The following ZNF704 variants were observed in gnomAD, a reference collection of about 807,000 sequenced individuals.
ZNF704 encodes zinc finger protein 704.
A neutral mutation model predicts 44.7 loss-of-function variants in ZNF704; 10 were observed. That is an observed-to-expected ratio of 0.22 (90% CI 0.14 to 0.38). The LOEUF is 0.38. Ranked by LOEUF, ZNF704 falls within the 10% of genes least tolerant of loss-of-function variation. ZNF704 has a pLI of 1.00. For missense variants in ZNF704, 390 were observed against 545.5 expected (o/e 0.71, Z 2.84); for synonymous variants, 211 against 207.6 (o/e 1.02, Z -0.14).
At chr8:80,668,671 T>A (rs981168284) in intron 5 of ZNF704, among the ~76,000 whole-genome samples, 21 of 152,192 alleles carry the variant, frequency 1.4e-4, no homozygotes, top group African/African-American at 5.1e-4. Context: ...GGAGTGAGAT[T>A]GAAAAGTGTG....
chr8:80,827,508 A>G (rs7815028), intron 1 of ZNF704, among the ~76,000 whole-genome samples: 5,340 of 152,322 alleles, frequency 0.035, 327 homozygotes, highest in African/African-American at 0.12. Context: ...AAGGTAATTT[A>G]TAGATTCAAT....
At chr8:80,820,827 G>A (rs1011196718) in intron 2 of ZNF704, among the ~76,000 whole-genome samples, 8 of 152,074 alleles carry the variant, frequency 5.3e-5, no homozygotes, top group Non-Finnish European at 1.0e-4. Flanking sequence ...GACTGCTTGT[G>A]CCCAGAAGTT....
intron 4 of ZNF704, among the ~76,000 whole-genome samples, chr8:80,682,183 C>T (rs948186561): frequency 1.1e-4 from 17 of 152,182 alleles, no homozygotes; most frequent in African/African-American, 1.9e-4. Context: ...GAGGGTTTTA[C>T]GGGTTTGTTT....
At chr8:80,835,194 T>C (rs1808538731) in intron 1 of ZNF704, among the ~76,000 whole-genome samples, 1 of 152,174 alleles carries the variant, frequency 6.6e-6, no homozygotes, top group African/African-American at 2.4e-5. Context: ...TTAAATCCTT[T>C]CTGAAAAGGC....
chr8:80,870,211 T>C (rs1384391546), intron 1 of ZNF704, among the ~76,000 whole-genome samples: 1 of 152,204 alleles, frequency 6.6e-6, no homozygotes, highest in Non-Finnish European at 1.5e-5. Flanking sequence ...TTTGTTACAC[T>C]ACACTACAAT....
intron 2 of ZNF704, among the ~76,000 whole-genome samples, chr8:80,767,437 T>G (rs1374049894): frequency 6.6e-6 from 1 of 152,032 alleles, no homozygotes; most frequent in African/African-American, 2.4e-5. Flanking sequence ...ACTTCTAGAC[T>G]GCATAATAGT....
At chr8:80,875,765 A>T (rs1809348143), upstream of ZNF704, among the ~76,000 whole-genome samples, 2 of 152,224 alleles carry the variant, frequency 1.3e-5, no homozygotes, top group South Asian at 4.1e-4. Flanking sequence ...ATTTAACATC[A>T]TATGCTCTGT....
Position 80,755,548 on chromosome 8 carries a change from G to A in ZNF704, c.222-62441C>T, listed in dbSNP as rs116786489. On this transcript the variant is annotated intron_variant, in intron 2 of 8. Transcript: ENST00000327835. ...GACTACTGAGAAACAGTGATTCCCA[G>A]TGTCTCTAAATCTCTGGTTCTCAAT... 2.4e-3 allele frequency among the ~76,000 whole-genome samples: 365 copies of A among 152,326 alleles called. 1 individual carries two copies. The highest frequency in any genetic ancestry group is 8.4e-3 in the African/African-American group (350 of 41,574).
chr8:80,635,943 T>C lies in ZNF704; in HGVS notation c.*5423A>G, dbSNP rs1480083448. The C allele has an allele frequency of 6.6e-6, 1 of 152,196 alleles. No homozygotes were observed. The highest frequency in any genetic ancestry group is 2.4e-5 in the African/African-American group (1 of 41,446). 9.4% of individuals were successfully genotyped at this position (152,196 alleles called of 1,614,324 possible). A position where few individuals can be genotyped will look rare whatever the true frequency, so the allele number is the denominator to read the frequency against. ...TTGTTTGGTGAGCAAGAATTACTTA[T>C]AATATTAATACTTCCTGCCTGGTAA... On this transcript the variant is annotated 3_prime_UTR_variant, in exon 9 of 9. Coordinates refer to ENST00000327835, the MANE Select transcript of ZNF704 (RefSeq NM_001033723.3).
rs1301169289 is a variant in ZNF704, at chr8:80,641,230, C to T, written c.*136G>A. On this transcript the variant is annotated 3_prime_UTR_variant, in exon 9 of 9. Transcript: ENST00000327835. ...ATTTTTCTGTGTTTTTGCTGTTATT[C>T]CTCCAAGGTTCCTGAAAGGGCTTTT... 3 of 496,356 alleles carry T rather than the reference C, an allele frequency of 6.0e-6. No individual in the cohort carries two copies. Among genetic ancestry groups the T allele is most frequent in the East Asian group, 6.3e-5 (2 of 31,612 alleles). 30.7% of individuals were successfully genotyped at this position (496,356 alleles called of 1,614,324 possible). A position where few individuals can be genotyped will look rare whatever the true frequency, so the allele number is the denominator to read the frequency against.
At chr8:80,691,014 A>T (rs1248688957) in intron 3 of ZNF704, among the ~76,000 whole-genome samples, 3 of 141,080 alleles carry the variant, frequency 2.1e-5, no homozygotes, top group African/African-American at 7.7e-5. Context: ...ATCTCAAATT[A>T]AAAAAAAAAA....
chr8:80,884,218 C>T, the ZNF704 span, among the ~76,000 whole-genome samples: 3 of 152,302 alleles, frequency 2.0e-5, no homozygotes, highest in African/African-American at 7.2e-5. Flanking sequence ...ACTGTCCTTC[C>T]GGTCGACAAT....
chr8:80,880,386 C>T, the ZNF704 span, among the ~76,000 whole-genome samples: 2 of 152,102 alleles, frequency 1.3e-5, no homozygotes, highest in African/African-American at 4.8e-5. Flanking sequence ...TGAAAGGCCA[C>T]CATATGTTAT....
At chr8:80,791,923 G>A (rs11987529) in intron 2 of ZNF704, among the ~76,000 whole-genome samples, 51,642 of 152,074 alleles carry the variant, frequency 0.34, 10,375 homozygotes, top group African/African-American at 0.56. Context: ...CTGGACTTGA[G>A]TCTTGGGAAT....
At chr8:80,643,583 C>T (rs554060446) in intron 7 of ZNF704, among the ~76,000 whole-genome samples, 4 of 149,380 alleles carry the variant, frequency 2.7e-5, no homozygotes, top group South Asian at 4.2e-4. Flanking sequence ...TCACAGAGAC[C>T]ACACATTAAA....
At chr8:80,649,909 C>A (rs1389479996) in intron 7 of ZNF704, among the ~76,000 whole-genome samples, 1 of 152,188 alleles carries the variant, frequency 6.6e-6, no homozygotes, top group Non-Finnish European at 1.5e-5. Context: ...TGGGAGGCAT[C>A]CCCCAGTAGG....
At chr8:80,706,409 C>T (rs1478957456) in intron 2 of ZNF704, among the ~76,000 whole-genome samples, 1 of 152,136 alleles carries the variant, frequency 6.6e-6, no homozygotes. Context: ...ATTTCTGCTG[C>T]TTCTCTTACC....
Position 80,817,168 on chromosome 8 carries a change from G to A in ZNF704, c.221+4206C>T, listed in dbSNP as rs533910219. Among the ~76,000 whole-genome samples, 11 of 152,302 alleles carry A rather than the reference G, an allele frequency of 7.2e-5. No homozygotes were observed. The East Asian group carries it at 2.1e-3, about 29-fold the overall frequency. On this transcript the variant is annotated intron_variant, in intron 2 of 8. Transcript: ENST00000327835. ...GCAGGGAGACTGGCCCCTGTCTCAA[G>A]CCCGCACAGCCTAGGGCACTTTTAA...
At chr8:80,641,620 C>G (rs1487931583) in intron 8 of ZNF704, 143 bp from the exon 9 acceptor site, 1 of 487,046 alleles carries the variant, frequency 2.1e-6, no homozygotes, top group African/African-American at 2.0e-5. Context: ...GTAATCCCAG[C>G]ACTTTGGGAG....
Sources: allele counts gnomAD v4.1 joint callset (sites outside exome capture counted in the v4.1 genomes callset), GRCh38; gene constraint gnomAD v4.1.1; transcripts MANE v1.5; gene names NCBI Gene and HGNC (gene_info 2026-07-23, HGNC 2026-07-21).